The following C8orf34 variants were observed in gnomAD, a reference collection of about 807,000 sequenced individuals.
C8orf34 encodes uncharacterized protein C8orf34.
Under a neutral mutation model 68.3 loss-of-function variants are expected in C8orf34, and 65 were observed. The ratio of observed to expected loss-of-function variants is 0.95; its 90% CI spans 0.78 to 1.17. The LOEUF (loss-of-function observed/expected upper bound fraction) is 1.17, where lower values mean the gene tolerates loss of function less well. Ranked by LOEUF, C8orf34 falls within the 50% of genes most tolerant of loss-of-function variation. C8orf34 has a pLI of 0.00. For synonymous variants in C8orf34, 244 were observed against 241.2 expected, an observed-to-expected ratio of 1.01 and a Z score of -0.11; for missense variants, 664 against 655.4, an observed-to-expected ratio of 1.01 and a Z score of -0.14.
intron 7 of C8orf34, among the ~76,000 whole-genome samples, chr8:68,621,593 G>GTCTT (rs1439708340): frequency 6.6e-6 from 1 of 152,160 alleles, no homozygotes; most frequent in African/African-American, 2.4e-5. Context: ...ATAGCTGTCA[G>GTCTT]TCTTTAATTC....
At chr8:68,334,487 C>T (rs1195965939) in intron 1 of C8orf34, among the ~76,000 whole-genome samples, 2 of 151,530 alleles carry the variant, frequency 1.3e-5, no homozygotes, top group African/African-American at 4.8e-5. Flanking sequence ...TTTGTGTACA[C>T]ACACATTTTA....
At chr8:68,402,066 T>G (rs1421113686) in intron 1 of C8orf34, among the ~76,000 whole-genome samples, 2 of 152,148 alleles carry the variant, frequency 1.3e-5, no homozygotes, top group Admixed American at 1.3e-4. Context: ...GTGGGAGATT[T>G]TTATTACTCC....
intron 7 of C8orf34, among the ~76,000 whole-genome samples, chr8:68,605,978 A>T (rs1817842312): frequency 6.6e-6 from 1 of 152,084 alleles, no homozygotes; most frequent in African/African-American, 2.4e-5. Context: ...CAGGAGGTAC[A>T]CAGGGAATCT....
chr8:68,378,854 T>C (rs1053038355), intron 1 of C8orf34, among the ~76,000 whole-genome samples: 2 of 152,180 alleles, frequency 1.3e-5, no homozygotes, highest in East Asian at 1.9e-4. Context: ...AATGCCTCTA[T>C]TGTAACTTTA....
intron 7 of C8orf34, among the ~76,000 whole-genome samples, chr8:68,618,360 T>A (rs1003068814): frequency 1.3e-5 from 2 of 152,156 alleles, no homozygotes; most frequent in Admixed American, 6.6e-5. Flanking sequence ...AACATCTTAT[T>A]ATTATTTTGA....
intron 7 of C8orf34, among the ~76,000 whole-genome samples, chr8:68,622,414 TC>T (rs1412069563): frequency 6.6e-6 from 1 of 151,980 alleles, no homozygotes; most frequent in Admixed American, 6.6e-5. Flanking sequence ...TCTACTAACC[TC>T]TTCCTCTTGT....
At chr8:68,432,199 G>A (rs984417623) in intron 1 of C8orf34, among the ~76,000 whole-genome samples, 1 of 151,538 alleles carries the variant, frequency 6.6e-6, no homozygotes, top group South Asian at 2.1e-4. Flanking sequence ...GTGCATATAT[G>A]TTGTCTGGAT....
intron 1 of C8orf34, among the ~76,000 whole-genome samples, chr8:68,388,350 G>A (rs1425229538): frequency 6.6e-6 from 1 of 152,070 alleles, no homozygotes. Context: ...CTTCTCTAGA[G>A]TTCATGAAAA....
At chr8:68,330,808 C>A (rs555244228), upstream of C8orf34, 154 of 488,776 alleles carry the variant, frequency 3.2e-4, no homozygotes, top group East Asian at 1.2e-3. Flanking sequence ...CACACACACA[C>A]GCACGCACGC....
At chr8:68,808,537 A>G (rs942923034) in intron 12 of C8orf34, among the ~76,000 whole-genome samples, 4 of 151,428 alleles carry the variant, frequency 2.6e-5, no homozygotes, top group Non-Finnish European at 5.9e-5. Flanking sequence ...GATTCAACCA[A>G]CCGTAGATCA....
chr8:68,745,394 T>C (rs1822454620), intron 10 of C8orf34, among the ~76,000 whole-genome samples: 1 of 152,004 alleles, frequency 6.6e-6, no homozygotes, highest in Non-Finnish European at 1.5e-5. Context: ...ATATTACCTT[T>C]AAATGTAAAT....
chr8:68,404,133 T>C (rs1386480903), intron 1 of C8orf34, among the ~76,000 whole-genome samples: 1 of 152,208 alleles, frequency 6.6e-6, no homozygotes, highest in Non-Finnish European at 1.5e-5. Context: ...CCAGTGATGA[T>C]GAGCTTTTTT....
chr8:68,649,850 A>G (rs1287671171), intron 8 of C8orf34, among the ~76,000 whole-genome samples: 2 of 152,148 alleles, frequency 1.3e-5, no homozygotes, highest in Admixed American at 6.5e-5. Context: ...TATGGAAAAA[A>G]AAACCTCTGT....
intron 12 of C8orf34, among the ~76,000 whole-genome samples, chr8:68,804,834 C>G (rs527517917): frequency 1.6e-4 from 24 of 152,002 alleles, no homozygotes; most frequent in Non-Finnish European, 2.8e-4. Context: ...AAAAGACAAG[C>G]TAGATTAAGA....
chr8:68,390,205 C>T (rs550624560), intron 1 of C8orf34, among the ~76,000 whole-genome samples: 35 of 152,218 alleles, frequency 2.3e-4, no homozygotes, highest in Admixed American at 1.0e-3. Context: ...CGTGAGGGCC[C>T]CTGTCCAGCC....
intron 10 of C8orf34, among the ~76,000 whole-genome samples, chr8:68,741,957 T>A (rs1822307932): frequency 6.6e-6 from 1 of 152,180 alleles, no homozygotes; most frequent in Admixed American, 6.5e-5. Context: ...ATAACCAATC[T>A]ATCCAACATT....
intron 10 of C8orf34, among the ~76,000 whole-genome samples, chr8:68,769,890 G>C (rs998197847): frequency 4.6e-5 from 7 of 152,278 alleles, no homozygotes; most frequent in Admixed American, 2.0e-4. Flanking sequence ...AGCGCGATAC[G>C]TGCTTTGGTA....
chr8:68,795,474 A>G (rs1222619244), intron 12 of C8orf34, among the ~76,000 whole-genome samples: 1 of 151,982 alleles, frequency 6.6e-6, no homozygotes, highest in African/African-American at 2.4e-5. Flanking sequence ...AGGGTTTGTT[A>G]TTGCTGCTGT....
At chr8:68,778,104 T>G (rs889358169) in intron 11 of C8orf34, among the ~76,000 whole-genome samples, 1 of 152,194 alleles carries the variant, frequency 6.6e-6, no homozygotes, top group Non-Finnish European at 1.5e-5. Flanking sequence ...TCACAGACAA[T>G]CCATTTATGT....
Sources: gnomAD v4.1 joint callset for allele counts (sites outside exome capture counted in the v4.1 genomes callset) on GRCh38, gnomAD v4.1.1 for gene constraint, MANE v1.5 for transcripts, NCBI Gene and HGNC (gene_info 2026-07-23, HGNC 2026-07-21) for gene names.